The following RIMS4 variants were observed in gnomAD, a reference collection of about 807,000 sequenced individuals.
RIMS4 encodes the protein regulating synaptic membrane exocytosis protein 4.
Under a neutral mutation model 29.0 loss-of-function variants are expected in RIMS4, and 9 were observed. The ratio of observed to expected loss-of-function variants is 0.31; its 90% confidence interval spans 0.19 to 0.54. The LOEUF (loss-of-function observed/expected upper bound fraction) is 0.54. RIMS4 is among the 20% of genes least tolerant of loss of function. RIMS4 has a pLI of 0.94. For synonymous variants in RIMS4, 130 were observed against 152.9 expected, an observed-to-expected ratio of 0.85 and a Z score of 1.10; for missense variants, 193 against 365.7, an observed-to-expected ratio of 0.53 and a Z score of 3.85.
intron 1 of RIMS4, among the ~76,000 whole-genome samples, chr20:44,800,311 T>G (rs1024410079): frequency 2.0e-5 from 3 of 152,052 alleles, no homozygotes; most frequent in African/African-American, 7.2e-5. Flanking sequence ...AGATGCCATT[T>G]CTTTGGATGT....
At chr20:44,764,175 C>T (rs143170026) in intron 2 of RIMS4, among the ~76,000 whole-genome samples, 3 of 131,766 alleles carry the variant, frequency 2.3e-5, no homozygotes, top group South Asian at 2.5e-4. Context: ...TCCATCCATC[C>T]ATCCATCCAT....
chr20:44,764,923 C>A (rs187339909), intron 2 of RIMS4, among the ~76,000 whole-genome samples: 2 of 152,302 alleles, frequency 1.3e-5, no homozygotes, highest in Admixed American at 1.3e-4. Flanking sequence ...AGCCTGACCA[C>A]CTCTATGAGA....
chr20:44,795,795 G>C (rs2066252408), intron 1 of RIMS4, among the ~76,000 whole-genome samples: 1 of 152,142 alleles, frequency 6.6e-6, no homozygotes, highest in Non-Finnish European at 1.5e-5. Flanking sequence ...GCACCACCAA[G>C]TGAAAAATAA....
At chr20:44,801,456 C>A (rs2066276893) in intron 1 of RIMS4, among the ~76,000 whole-genome samples, 1 of 152,184 alleles carries the variant, frequency 6.6e-6, no homozygotes, top group Non-Finnish European at 1.5e-5. Context: ...CACTTTGCCC[C>A]CTTTACATCG....
At chr20:44,764,336 G>A (rs1048754614) in intron 2 of RIMS4, among the ~76,000 whole-genome samples, 2 of 152,168 alleles carry the variant, frequency 1.3e-5, no homozygotes, top group African/African-American at 4.8e-5. Context: ...ACTGTGCAAC[G>A]CAAAATCTTG....
At position 44,766,956 on chromosome 20, in the gene RIMS4, T is replaced by C. The variant is rs183630465; in HGVS notation, c.236+4319A>G. Among the ~76,000 whole-genome samples the C allele has an allele frequency of 3.2e-3, 488 of 152,336 alleles. 1 individual carries two copies. The highest frequency in any genetic ancestry group is 5.3e-3 in the Non-Finnish European group (361 of 68,028). On this transcript the variant is annotated intron_variant, in intron 2 of 5. Coordinates refer to ENST00000372851, the MANE Select transcript of RIMS4 (RefSeq NM_182970.4). Reference sequence around the variant, plus strand: ...CAGTAACTCGTTAAGAGCTGGAATATAAATACCTCAGCTCCCTCACTTCCT... The same window carrying C: ...CAGTAACTCGTTAAGAGCTGGAATACAAATACCTCAGCTCCCTCACTTCCT...
chr20:44,762,687 C>T (rs753770492), intron 2 of RIMS4, among the ~76,000 whole-genome samples: 21 of 152,170 alleles, frequency 1.4e-4, no homozygotes, highest in Admixed American at 2.0e-4. Context: ...CCAAGGAACC[C>T]GGCTGACGCC....
At chr20:44,778,248 A>G (rs945094860) in intron 1 of RIMS4, among the ~76,000 whole-genome samples, 2 of 152,212 alleles carry the variant, frequency 1.3e-5, no homozygotes, top group South Asian at 4.1e-4. Flanking sequence ...CCCTGGAGCT[A>G]TAGGAATCTG....
chr20:44,761,100 C>G (rs2066082916), intron 2 of RIMS4, among the ~76,000 whole-genome samples: 1 of 152,138 alleles, frequency 6.6e-6, no homozygotes, highest in African/African-American at 2.4e-5. Context: ...CCAAGTGGGT[C>G]TAAGTTTCCA....
chr20:44,783,969 T>G (rs927830717), intron 1 of RIMS4, among the ~76,000 whole-genome samples: 2 of 152,212 alleles, frequency 1.3e-5, no homozygotes, highest in African/African-American at 2.4e-5. Context: ...GTAAACTGTA[T>G]GGTATATGAA....
intron 1 of RIMS4, among the ~76,000 whole-genome samples, chr20:44,792,693 T>C (rs747219864): frequency 6.6e-6 from 1 of 152,214 alleles, no homozygotes; most frequent in Non-Finnish European, 1.5e-5. Flanking sequence ...ATACCCCTCA[T>C]AGTCTGACAT....
At chr20:44,800,062 A>T (rs926270648) in intron 1 of RIMS4, among the ~76,000 whole-genome samples, 12 of 152,224 alleles carry the variant, frequency 7.9e-5, no homozygotes, top group Non-Finnish European at 1.8e-4. Flanking sequence ...ACAGCCAATA[A>T]GCGGCAGAGC....
rs1301531671 is a variant in RIMS4, at chr20:44,810,233, G to A, written c.39C>T (p.Ser13=). The change falls in exon 1 of 6, where the codon TCC becomes TCT. Residue 13 remains serine (S), a synonymous_variant. Transcript: ENST00000372851. ...RSQSRLSLSA[S]FEALAIYFPC... ...GGAAGTAGATGGCGAGCGCCTCGAA[G>A]GAGGCGGACAGACTGAGGCGGCTCT... is the stretch of plus-strand genomic sequence containing the variant. 1.3e-6 allele frequency: 2 copies of A among 1,566,692 alleles called. No individual in the cohort carries two copies. The highest frequency in any genetic ancestry group is 1.7e-6 in the Non-Finnish European group (2 of 1,152,254).
intron 1 of RIMS4, among the ~76,000 whole-genome samples, chr20:44,796,195 G>A (rs2066254389): frequency 6.7e-6 from 1 of 149,380 alleles, no homozygotes; most frequent in South Asian, 2.1e-4. Flanking sequence ...AGTTCTCCCT[G>A]CTATGGCCTT....
chr20:44,785,708 C>T (rs2066205195), intron 1 of RIMS4, among the ~76,000 whole-genome samples: 1 of 151,810 alleles, frequency 6.6e-6, no homozygotes, highest in African/African-American at 2.4e-5. Flanking sequence ...GTTTTCCCAC[C>T]ATGAGAGAAG....
Position 44,771,414 on chromosome 20 carries a change from C to G in RIMS4, c.98-1G>C, listed in dbSNP as rs1280890943. The G allele has an allele frequency of 6.2e-7, 1 of 1,610,140 alleles. No individual in the cohort carries two copies. The highest frequency in any genetic ancestry group is 2.2e-5 in the East Asian group (1 of 44,764). On this transcript the variant is annotated splice_acceptor_variant, in intron 1 of 5. Coordinates refer to ENST00000372851, the MANE Select transcript of RIMS4 (RefSeq NM_182970.4). LOFTEE classifies it high-confidence loss of function. ...GCCCCCTTCAGCCTCCGGCTGTCCC[C>G]TTCTGGGCAAAGCGGCCAAGAGAGA... is the stretch of plus-strand genomic sequence containing the variant.
At chr20:44,806,490 G>A (rs144978961) in intron 1 of RIMS4, among the ~76,000 whole-genome samples, 138 of 152,272 alleles carry the variant, frequency 9.1e-4, no homozygotes, top group African/African-American at 3.2e-3. Context: ...CTTCAAAGAA[G>A]GAGGGCCCAG....
chr20:44,757,177 A>AC, intron 4 of RIMS4, 140 bp from the exon 5 acceptor site: 1 of 926,150 alleles, frequency 1.1e-6, no homozygotes, highest in Non-Finnish European at 1.6e-6. Context: ...ACCAGGACAC[A>AC]TGGGGGGTGG....
chr20:44,761,172 A>C (rs537893591), intron 2 of RIMS4, among the ~76,000 whole-genome samples: 1 of 152,356 alleles, frequency 6.6e-6, no homozygotes, highest in Admixed American at 6.5e-5. Flanking sequence ...CCCAGTGCTC[A>C]CTAAATGCCA....
Sources: allele counts gnomAD v4.1 joint callset (sites outside exome capture counted in the v4.1 genomes callset), GRCh38; gene constraint gnomAD v4.1.1; transcripts MANE v1.5; gene names NCBI Gene and HGNC (gene_info 2026-07-23, HGNC 2026-07-21).